UBE2E2: variants seen among roughly 807,000 people sequenced by gnomAD.
The protein encoded by UBE2E2 is ubiquitin conjugating enzyme E2 E2, also known as ubiquitin-conjugating enzyme E2 E2.
In UBE2E2, 6 loss-of-function variants were observed where a neutral mutation model predicts 24.7. The observed-to-expected ratio is 0.24, with a 90% CI of 0.13 to 0.48. The LOEUF (loss-of-function observed/expected upper bound fraction) is 0.48. Ranked by LOEUF, UBE2E2 falls within the 20% of genes least tolerant of loss-of-function variation. The pLI, the probability that UBE2E2 is intolerant of heterozygous loss-of-function variation, is 0.99. For synonymous variants in UBE2E2, 104 were observed against 83.6 expected, an observed-to-expected ratio of 1.24 and a Z score of -1.33; for missense variants, 169 against 245.0, an observed-to-expected ratio of 0.69 and a Z score of 2.07.
chr3:23,229,899 C>A (rs1428272353), intron 3 of UBE2E2, among the ~76,000 whole-genome samples: 1 of 152,124 alleles, frequency 6.6e-6, no homozygotes, highest in Non-Finnish European at 1.5e-5. Flanking sequence ...CAGCATAGAT[C>A]TAGAAAAATA....
intron 4 of UBE2E2, among the ~76,000 whole-genome samples, chr3:23,521,644 G>A (rs149181104): frequency 5.9e-5 from 9 of 152,308 alleles, no homozygotes; most frequent in East Asian, 3.9e-4. Flanking sequence ...TCCAATCCGG[G>A]CCCAGGATGG....
intron 4 of UBE2E2, among the ~76,000 whole-genome samples, chr3:23,527,668 G>A (rs1305095065): frequency 1.3e-5 from 2 of 152,016 alleles, no homozygotes; most frequent in African/African-American, 2.4e-5. Flanking sequence ...AATTTGAGTT[G>A]ATCACTAATG....
Position 23,407,669 on chromosome 3 carries a change from G to C in UBE2E2, c.228-91939G>C, listed in dbSNP as rs1697397055. Among the ~76,000 whole-genome samples the C allele has an allele frequency of 1.3e-5, 2 of 151,370 alleles. No individual in the cohort carries two copies. The highest frequency in any genetic ancestry group is 2.1e-4 in the South Asian group (1 of 4,786). ...TGCATGTGTGTGTGTGTGTGTGTGT[G>C]TGTGTGTGTGTGTGTGTGTGTAGTA... On this transcript the variant is annotated intron_variant, in intron 3 of 5. Transcript: ENST00000396703. The surrounding 1 kb of genome is among the most constrained non-coding windows in gnomAD (Gnocchi z 4.0).
chr3:23,247,403 G>A (rs1697442634), intron 3 of UBE2E2, among the ~76,000 whole-genome samples: 1 of 150,032 alleles, frequency 6.7e-6, no homozygotes, highest in Admixed American at 6.6e-5. Context: ...TCACCAGGCT[G>A]GAGTGCAATG....
chr3:23,463,017 A>G (rs546220046), intron 3 of UBE2E2, among the ~76,000 whole-genome samples: 1 of 152,300 alleles, frequency 6.6e-6, no homozygotes, highest in East Asian at 1.9e-4. Flanking sequence ...GTATTATGAC[A>G]ATAGGTTCAT....
At chr3:23,465,200 A>C (rs533414008) in intron 3 of UBE2E2, among the ~76,000 whole-genome samples, 7 of 152,304 alleles carry the variant, frequency 4.6e-5, no homozygotes, top group African/African-American at 1.4e-4. Flanking sequence ...TAGTAGCTTC[A>C]TTGAGGGAAC....
At chr3:23,211,792 G>A (rs1696331895) in intron 2 of UBE2E2, among the ~76,000 whole-genome samples, 1 of 152,140 alleles carries the variant, frequency 6.6e-6, no homozygotes, top group African/African-American at 2.4e-5. Flanking sequence ...AGGTTCTTGT[G>A]AGGACTAAAT....
At chr3:23,362,614 G>A (rs890085950) in intron 3 of UBE2E2, among the ~76,000 whole-genome samples, 2 of 152,112 alleles carry the variant, frequency 1.3e-5, no homozygotes, top group Non-Finnish European at 2.9e-5. Context: ...AGATGGCAGG[G>A]TGGGCCACCC....
chr3:23,390,094 C>A (rs774254759), intron 3 of UBE2E2, among the ~76,000 whole-genome samples: 6 of 152,120 alleles, frequency 3.9e-5, no homozygotes, highest in Non-Finnish European at 7.4e-5. Flanking sequence ...GTTGATCTTT[C>A]TTCCAGGAGC....
chr3:23,408,534 G>T (rs1421334232), intron 3 of UBE2E2, among the ~76,000 whole-genome samples: 1 of 152,178 alleles, frequency 6.6e-6, no homozygotes, highest in African/African-American at 2.4e-5. Flanking sequence ...CTTTACATCT[G>T]TTAAAGTATA....
chr3:23,500,452 A>G lies in UBE2E2; in HGVS notation c.360+712A>G, dbSNP rs146624845. 5.3e-3 allele frequency among the ~76,000 whole-genome samples: 807 copies of G among 152,280 alleles called. 8 individuals carry two copies. Among genetic ancestry groups the G allele is most frequent in the African/African-American group, 0.017 (723 of 41,554 alleles). On this transcript the variant is annotated intron_variant, in intron 4 of 5. Coordinates refer to ENST00000396703, the MANE Select transcript of UBE2E2 (RefSeq NM_152653.4). ...GTCTTCACATTCTTTTCTACTGCCT[A>G]TAAGTCGGATATTTGACTGTTTTAA... is the stretch of plus-strand genomic sequence containing the variant.
At chr3:23,233,250 G>C (rs983506948) in intron 3 of UBE2E2, among the ~76,000 whole-genome samples, 9 of 152,142 alleles carry the variant, frequency 5.9e-5, no homozygotes, top group Non-Finnish European at 1.2e-4. Flanking sequence ...GACAGGAATA[G>C]TATCAGTCTT....
intron 3 of UBE2E2, among the ~76,000 whole-genome samples, chr3:23,393,205 A>AT (rs1696983010): frequency 2.0e-5 from 3 of 152,198 alleles, no homozygotes; most frequent in African/African-American, 7.2e-5. Context: ...AAATCAAATT[A>AT]TATTTAGGGG....
At chr3:23,547,474 A>G (rs1695550040) in intron 5 of UBE2E2, among the ~76,000 whole-genome samples, 1 of 152,124 alleles carries the variant, frequency 6.6e-6, no homozygotes, top group Admixed American at 6.5e-5. Context: ...TTGTTTTGCT[A>G]TTTAGATTTA....
At chr3:23,428,043 C>G (rs1179987115) in intron 3 of UBE2E2, among the ~76,000 whole-genome samples, 3 of 152,162 alleles carry the variant, frequency 2.0e-5, no homozygotes, top group African/African-American at 4.8e-5. Flanking sequence ...CATAGTTGAC[C>G]TCAACAGAAT....
intron 3 of UBE2E2, among the ~76,000 whole-genome samples, chr3:23,390,810 G>A (rs1306102853): frequency 6.6e-6 from 1 of 152,160 alleles, no homozygotes; most frequent in Non-Finnish European, 1.5e-5. Context: ...AAGGGGTCAA[G>A]GGAACTCTCC....
chr3:23,390,349 G>A (rs992388464), intron 3 of UBE2E2, among the ~76,000 whole-genome samples: 7 of 152,116 alleles, frequency 4.6e-5, no homozygotes, highest in Admixed American at 2.6e-4. Flanking sequence ...AAGAGGAGTC[G>A]CAGCACTGAT....
intron 3 of UBE2E2, among the ~76,000 whole-genome samples, chr3:23,294,466 A>G (rs998645611): frequency 2.0e-5 from 3 of 151,966 alleles, no homozygotes; most frequent in Admixed American, 1.3e-4. Context: ...TTCTACCAGA[A>G]ATGAAAAGAT....
At chr3:23,399,959 A>C (rs1157654785) in intron 3 of UBE2E2, among the ~76,000 whole-genome samples, 1 of 152,190 alleles carries the variant, frequency 6.6e-6, no homozygotes, top group African/African-American at 2.4e-5. Flanking sequence ...ACTACTACGC[A>C]GGAGGCCACT....
Sources: allele counts gnomAD v4.1 joint callset (sites outside exome capture counted in the v4.1 genomes callset), GRCh38; gene constraint gnomAD v4.1.1; non-coding constraint Gnocchi (gnomAD v3.1); transcripts MANE v1.5; gene names NCBI Gene and HGNC (gene_info 2026-07-23, HGNC 2026-07-21).